Variants in MCCC2 observed in about 807,000 individuals in gnomAD.
MCCC2 encodes methylcrotonoyl-CoA carboxylase beta chain, mitochondrial.
MCCC2 carries 52 observed loss-of-function variants against 77.2 expected under a neutral mutation model. The ratio of observed to expected loss-of-function variants is 0.67; its 90% CI spans 0.54 to 0.85. The LOEUF is 0.85. Among genes scored for constraint, MCCC2 ranks in the 40% least tolerant of loss-of-function variants. The pLI, the probability that MCCC2 is intolerant of heterozygous loss-of-function variation, is 0.00. For missense variants in MCCC2, 682 were observed against 703.2 expected (o/e 0.97, Z 0.34); for synonymous variants, 253 against 248.4 (o/e 1.02, Z -0.18).
At position 71,646,297 on chromosome 5, in the gene MCCC2, A is replaced by G. The variant is rs1425910943; in HGVS notation, c.1216+20A>G. On this transcript the variant is annotated intron_variant, in intron 13 of 16. Coordinates refer to ENST00000340941, the MANE Select transcript of MCCC2 (RefSeq NM_022132.5). ...TTACTGGTAAGAAAATAGCTTAATC[A>G]GTTTGGTTGTATTGATTCCAGAGCT... 1.9e-6 allele frequency: 3 copies of G among 1,610,494 alleles called. No homozygotes were observed. The highest frequency in any genetic ancestry group is 1.1e-5 in the South Asian group (1 of 90,988).
intron 7 of MCCC2, among the ~76,000 whole-genome samples, chr5:71,630,471 T>G (rs1177149396): frequency 6.6e-6 from 1 of 152,076 alleles, no homozygotes; most frequent in Non-Finnish European, 1.5e-5. Flanking sequence ...GATGACAAAT[T>G]CTTATTTTTT....
intron 7 of MCCC2, among the ~76,000 whole-genome samples, chr5:71,631,538 C>CTTTT (rs544704315): frequency 1.6e-4 from 21 of 128,314 alleles, no homozygotes; most frequent in African/African-American, 3.2e-4. Context: ...GGTCTTTCTT[C>CTTTT]TTTTTTTTTT....
At chr5:71,630,114 TCCA>T (rs1327628831) in intron 7 of MCCC2, among the ~76,000 whole-genome samples, 1 of 152,154 alleles carries the variant, frequency 6.6e-6, no homozygotes, top group African/African-American at 2.4e-5. Context: ...CATCCAGCAA[TCCA>T]CCTTTGAAAG....
chr5:71,629,966 G>A (rs1746654347), intron 7 of MCCC2, among the ~76,000 whole-genome samples: 1 of 152,138 alleles, frequency 6.6e-6, no homozygotes, highest in Non-Finnish European at 1.5e-5. Flanking sequence ...TCATAATAGT[G>A]GAATAATGCG....
chr5:71,631,601 C>T (rs1004073094), intron 7 of MCCC2, among the ~76,000 whole-genome samples: 9 of 147,016 alleles, frequency 6.1e-5, no homozygotes, highest in African/African-American at 1.8e-4. Context: ...ACTGCAGTGG[C>T]GCAATCTCGG....
chr5:71,622,679 T>C (rs1580307244), intron 6 of MCCC2, among the ~76,000 whole-genome samples: 1 of 152,240 alleles, frequency 6.6e-6, no homozygotes, highest in African/African-American at 2.4e-5. Flanking sequence ...ATAAGTAGTC[T>C]TTTGTGACTG....
chr5:71,618,381 A>G (rs976076458), intron 6 of MCCC2, among the ~76,000 whole-genome samples: 4 of 152,112 alleles, frequency 2.6e-5, no homozygotes, highest in African/African-American at 9.7e-5. Context: ...CTGTTCCACC[A>G]TGGGATGACT....
intron 8 of MCCC2, among the ~76,000 whole-genome samples, chr5:71,632,661 T>C (rs1311253832): frequency 6.6e-6 from 1 of 152,136 alleles, no homozygotes; most frequent in Non-Finnish European, 1.5e-5. Flanking sequence ...ACTGGTTCTC[T>C]GGGGAGGAAA....
At position 71,657,143 on chromosome 5, in the gene MCCC2, C is replaced by A; in HGVS notation, c.*283C>A. The stretch of plus-strand genomic sequence containing the variant: ...TCTGACCCACAAAGTATGAAAAGTT[C>A]TGTAATCTGTAAACTCAGTTCTGTA... On this transcript the variant is annotated 3_prime_UTR_variant, in exon 17 of 17. Coordinates refer to ENST00000340941, the MANE Select transcript of MCCC2 (RefSeq NM_022132.5). The A allele has an allele frequency of 2.7e-6, 1 of 376,194 alleles. No individual in the cohort carries two copies. 23.3% of individuals were successfully genotyped at this position (376,194 alleles called of 1,614,324 possible). A position where few individuals can be genotyped will look rare whatever the true frequency, so the allele number is the denominator to read the frequency against.
chr5:71,587,529 C>A lies in MCCC2; in HGVS notation c.104C>A (p.Pro35Gln). The A allele has an allele frequency of 6.5e-7, 1 of 1,538,154 alleles. No homozygotes were observed. Among genetic ancestry groups the A allele is most frequent in the East Asian group, 2.4e-5 (1 of 41,112 alleles). Residue 35 changes from proline (P) to glutamine (Q), a missense_variant, in exon 1 of 17, where the codon CCG (proline) becomes CAG (glutamine). By Grantham distance (76) the Pro-to-Gln change is moderately conservative (BLOSUM62 -1). Transcript: ENST00000340941. ...GDSVASLGTQ[P>Q]DLGSALYQEN... is the part of the protein sequence containing the mutation. ...TCGGTGGCCTCGCTGGGCACCCAGC[C>A]GGACTTGGGCTCTGCCCTCTACCAG...
intron 2 of MCCC2, among the ~76,000 whole-genome samples, chr5:71,595,002 G>A (rs1235856884): frequency 1.3e-5 from 2 of 150,946 alleles, no homozygotes; most frequent in African/African-American, 2.4e-5. Flanking sequence ...GGGTTCAAGC[G>A]ATTCTCCCGC....
At chr5:71,650,881 C>T (rs1375444036) in intron 15 of MCCC2, among the ~76,000 whole-genome samples, 1 of 152,154 alleles carries the variant, frequency 6.6e-6, no homozygotes, top group African/African-American at 2.4e-5. Context: ...GATCTCCTGC[C>T]CTTGTGATCC....
At chr5:71,639,131 T>C (rs1747034544) in intron 10 of MCCC2, among the ~76,000 whole-genome samples, 1 of 152,222 alleles carries the variant, frequency 6.6e-6, no homozygotes, top group African/African-American at 2.4e-5. Context: ...TTAGGATAAT[T>C]CTGCAACTTA....
chr5:71,601,217 T>C (rs1290027819), intron 4 of MCCC2, among the ~76,000 whole-genome samples: 1 of 152,206 alleles, frequency 6.6e-6, no homozygotes, highest in Non-Finnish European at 1.5e-5. Flanking sequence ...CAAGCAGATA[T>C]GGCTATGTCC....
chr5:71,651,068 C>T (rs1313695018), intron 15 of MCCC2, among the ~76,000 whole-genome samples: 2 of 152,198 alleles, frequency 1.3e-5, no homozygotes, highest in East Asian at 1.9e-4. Context: ...TGTGTGCCAC[C>T]ATGCCCAGCC....
chr5:71,645,191 T>C (rs559529239), intron 12 of MCCC2, among the ~76,000 whole-genome samples: 26 of 152,316 alleles, frequency 1.7e-4, no homozygotes, highest in African/African-American at 6.0e-4. Context: ...AGAGGAGTTA[T>C]GTTTGGCCTC....
intron 15 of MCCC2, among the ~76,000 whole-genome samples, chr5:71,651,975 C>T (rs1747451135): frequency 6.6e-6 from 1 of 152,096 alleles, no homozygotes; most frequent in Non-Finnish European, 1.5e-5. Context: ...AATTCGTGAC[C>T]TAGAAAATGA....
chr5:71,606,991 A>G (rs1324795571), intron 6 of MCCC2, among the ~76,000 whole-genome samples: 2 of 150,800 alleles, frequency 1.3e-5, no homozygotes, highest in African/African-American at 4.9e-5. Context: ...TATTTTATTG[A>G]GGATTTTTGC....
intron 1 of MCCC2, among the ~76,000 whole-genome samples, chr5:71,588,873 A>G (rs552278026): frequency 6.6e-6 from 1 of 152,244 alleles, no homozygotes; most frequent in South Asian, 2.1e-4. Flanking sequence ...TTGATTGATT[A>G]TGGGGCCAGA....
Sources: allele counts gnomAD v4.1 joint callset (sites outside exome capture counted in the v4.1 genomes callset), GRCh38; gene constraint gnomAD v4.1.1; transcripts MANE v1.5; gene names NCBI Gene and HGNC (gene_info 2026-07-23, HGNC 2026-07-21).